Variants in ADNP observed in about 807,000 individuals in gnomAD.
The protein encoded by ADNP is activity dependent neuroprotector homeobox.
Under a neutral mutation model 84.9 loss-of-function variants are expected in ADNP, and 4 were observed. That is an observed-to-expected ratio of 0.05 (90% CI 0.02 to 0.11). The LOEUF (loss-of-function observed/expected upper bound fraction) is 0.11. Ranked by LOEUF, ADNP falls within the 10% of genes least tolerant of loss-of-function variation. The probability of loss-of-function intolerance (pLI) is 1.00; values close to 1 mark genes in which losing one functional copy is unlikely to be tolerated. For synonymous variants in ADNP, 554 were observed against 468.1 expected (o/e 1.18, Z -2.37); for missense variants, 1,132 against 1,326.0 (o/e 0.85, Z 2.27).
intron 5 of ADNP, among the ~76,000 whole-genome samples, chr20:50,896,855 G>T (rs1484192728): frequency 6.6e-6 from 1 of 152,156 alleles, no homozygotes; most frequent in Admixed American, 6.5e-5. Context: ...TTTCATCATA[G>T]ATTTGATTGT....
intron 2 of ADNP, among the ~76,000 whole-genome samples, chr20:50,912,957 A>G (rs1050960007): frequency 2.0e-5 from 3 of 152,060 alleles, no homozygotes; most frequent in Non-Finnish European, 4.4e-5. Flanking sequence ...AGTGAAGAAA[A>G]CGGCAGCTGT....
chr20:50,908,520 A>T (rs913265421), intron 2 of ADNP, among the ~76,000 whole-genome samples: 10 of 152,196 alleles, frequency 6.6e-5, no homozygotes, highest in African/African-American at 2.4e-4. Flanking sequence ...CATGCCTGTA[A>T]TCCCAGCACT....
chr20:50,923,135 T>C (rs994601654), intron 2 of ADNP, among the ~76,000 whole-genome samples: 1 of 152,146 alleles, frequency 6.6e-6, no homozygotes, highest in African/African-American at 2.4e-5. Flanking sequence ...GGAACCGTGG[T>C]GGATGAAAAC....
At chr20:50,919,289 GTGTATATATATATA>G (rs1899701008) in intron 2 of ADNP, among the ~76,000 whole-genome samples, 2 of 64,632 alleles carry the variant, frequency 3.1e-5, no homozygotes, top group African/African-American at 1.1e-4. Flanking sequence ...ATATATTTAA[GTGTATATATATATA>G]TATATATATA....
chr20:50,908,988 T>C (rs933647066), intron 2 of ADNP, among the ~76,000 whole-genome samples: 6 of 151,412 alleles, frequency 4.0e-5, no homozygotes, highest in African/African-American at 7.3e-5. Flanking sequence ...TTAACACTAA[T>C]GCCAAAAATT....
chr20:50,930,838 T>G lies in ADNP; in HGVS notation c.-277A>C, dbSNP rs1984685895. 6.8e-6 allele frequency: 1 copy of G among 146,816 alleles called. No homozygotes were observed. Among genetic ancestry groups the G allele is most frequent in the Non-Finnish European group, 1.5e-5 (1 of 65,840 alleles). The allele number at this position is 146,816 out of a possible 1,614,324, so 9.1% of individuals were successfully genotyped here. The stretch of plus-strand genomic sequence containing the variant: ...GCGCCGGGCTTACCTTGACTCGGCC[T>G]CGAGGCGCGCGCGGGGCCGGCGTGC... On this transcript the variant is annotated 5_prime_UTR_variant, in exon 1 of 6. Coordinates refer to ENST00000621696, the MANE Select transcript of ADNP (RefSeq NM_001282531.3).
chr20:50,904,256 T>C, intron 3 of ADNP: 1 of 423,770 alleles, frequency 2.4e-6, no homozygotes, highest in Non-Finnish European at 4.3e-6. Context: ...TGCAGTGCAC[T>C]CATGGTTCAT....
Position 50,913,451 on chromosome 20 carries a change from A to G in ADNP, c.-89-8602T>C, listed in dbSNP as rs118101484. On this transcript the variant is annotated intron_variant, in intron 2 of 5. Transcript: ENST00000621696. ...TTGATGCTGATGCAAGAATTTTTATATATCTCTTATAACCCCCACTGGGGT... is the reference window on the plus strand; with the variant it reads ...TTGATGCTGATGCAAGAATTTTTATGTATCTCTTATAACCCCCACTGGGGT... Among the ~76,000 whole-genome samples the G allele has an allele frequency of 7.2e-3, 1,099 of 152,226 alleles. 9 individuals are homozygous for G. Among genetic ancestry groups the G allele is most frequent in the Middle Eastern group, 0.017 (5 of 294 alleles).
intron 2 of ADNP, among the ~76,000 whole-genome samples, chr20:50,922,509 CCT>C (rs1290347440): frequency 6.6e-6 from 1 of 151,608 alleles, no homozygotes; most frequent in Non-Finnish European, 1.5e-5. Flanking sequence ...GCTTCCATAC[CCT>C]CTCTGGGGGC....
chr20:50,900,533 A>G (rs1397368515), intron 5 of ADNP, among the ~76,000 whole-genome samples: 2 of 152,236 alleles, frequency 1.3e-5, no homozygotes, highest in Non-Finnish European at 2.9e-5. Flanking sequence ...CACTACAAAC[A>G]TGAATCATAT....
intron 3 of ADNP, chr20:50,904,362 T>C (rs1236997312): frequency 3.4e-5 from 6 of 179,042 alleles, no homozygotes; most frequent in Non-Finnish European, 7.0e-5. Flanking sequence ...ACTCCAGGAG[T>C]GCGCCACTAT....
intron 2 of ADNP, among the ~76,000 whole-genome samples, chr20:50,918,436 TTAATA>T (rs1016902555): frequency 2.4e-4 from 37 of 152,160 alleles, no homozygotes; most frequent in Admixed American, 2.0e-3. Context: ...CTATAATCAT[TTAATA>T]TGAGTGGTAA....
chr20:50,915,322 G>A (rs1983427913), intron 2 of ADNP, among the ~76,000 whole-genome samples: 1 of 152,118 alleles, frequency 6.6e-6, no homozygotes, highest in African/African-American at 2.4e-5. Context: ...TTTAGGATTT[G>A]CATCTGAAGT....
intron 5 of ADNP, among the ~76,000 whole-genome samples, chr20:50,895,695 A>G (rs977139387): frequency 1.3e-5 from 2 of 152,104 alleles, no homozygotes; most frequent in African/African-American, 4.8e-5. Flanking sequence ...GGTGTGTGCC[A>G]CCACACTAGG....
chr20:50,900,466 A>G (rs1483684652), intron 5 of ADNP, among the ~76,000 whole-genome samples: 7 of 152,226 alleles, frequency 4.6e-5, no homozygotes, highest in Non-Finnish European at 1.0e-4. Flanking sequence ...TACGCTGTAA[A>G]TAACTGTATG....
intron 5 of ADNP, among the ~76,000 whole-genome samples, chr20:50,899,252 G>A (rs926023144): frequency 2.7e-5 from 4 of 150,172 alleles, no homozygotes; most frequent in African/African-American, 9.9e-5. Flanking sequence ...GCTGGAGTGC[G>A]ATGGCACGAT....
chr20:50,925,300 C>T (rs1442565124), intron 2 of ADNP, among the ~76,000 whole-genome samples: 1 of 128,188 alleles, frequency 7.8e-6, no homozygotes, highest in East Asian at 2.1e-4. Flanking sequence ...ACTACATAAT[C>T]AAGTTGGCTC....
intron 2 of ADNP, among the ~76,000 whole-genome samples, chr20:50,925,332 A>C (rs1175103293): frequency 2.0e-5 from 3 of 151,748 alleles, no homozygotes; most frequent in Non-Finnish European, 4.4e-5. Flanking sequence ...CTTGAGAAGC[A>C]TGATAATATG....
intron 2 of ADNP, among the ~76,000 whole-genome samples, chr20:50,908,125 A>G (rs867791983): frequency 5.3e-5 from 8 of 151,316 alleles, no homozygotes; most frequent in Middle Eastern, 3.4e-3. Flanking sequence ...GCACCTTCAA[A>G]AGCATTTGCA....
Sources: allele counts gnomAD v4.1 joint callset (sites outside exome capture counted in the v4.1 genomes callset), GRCh38; gene constraint gnomAD v4.1.1; transcripts MANE v1.5; gene names NCBI Gene and HGNC (gene_info 2026-07-23, HGNC 2026-07-21).